Variants in USP10 observed in about 807,000 individuals in gnomAD.
The protein encoded by USP10 is ubiquitin specific peptidase 10, also known as ubiquitin carboxyl-terminal hydrolase 10.
USP10 carries 22 observed loss-of-function variants against 84.5 expected under a neutral mutation model. That is an observed-to-expected ratio of 0.26 (90% confidence interval 0.19 to 0.37). The LOEUF is 0.37. USP10 is among the 10% of genes least tolerant of loss of function. The pLI, the probability that USP10 is intolerant of heterozygous loss-of-function variation, is 1.00. For missense variants in USP10, 1,019 were observed against 998.9 expected (o/e 1.02, Z -0.27); for synonymous variants, 454 against 387.6 (o/e 1.17, Z -2.01).
intron 1 of USP10, among the ~76,000 whole-genome samples, chr16:84,731,712 T>C (rs758334091): frequency 2.8e-4 from 43 of 152,214 alleles, no homozygotes; most frequent in Non-Finnish European, 4.3e-4. Flanking sequence ...TGTTGAGTTT[T>C]TTAATTTAGT....
intron 1 of USP10, among the ~76,000 whole-genome samples, chr16:84,727,855 A>G (rs1187541221): frequency 5.3e-5 from 8 of 152,194 alleles, no homozygotes; most frequent in Admixed American, 3.3e-4. Context: ...CACTTTCACA[A>G]ATTTACATTG....
chr16:84,711,297 G>T (rs1171137063), intron 1 of USP10, among the ~76,000 whole-genome samples: 1 of 152,178 alleles, frequency 6.6e-6, no homozygotes, highest in East Asian at 1.9e-4. Context: ...CTTAAGAGCT[G>T]CTCTGGCTGT....
In USP10 at chr16:84,760,213, G is replaced by A. The variant is rs1177870636; in HGVS notation, c.1492G>A (p.Ala498Thr). ...CGTGAGGGATATTCGCCCTGGAGCTGCCTTTGAGCCCACATATATTTACAG... is the reference window on the plus strand; with the variant it reads ...CGTGAGGGATATTCGCCCTGGAGCTACCTTTGAGCCCACATATATTTACAG... ...KIVRDIRPGA[A>T]FEPTYIYRLL... The change falls in exon 8 of 14, where the codon GCC (alanine) becomes ACC (threonine). Residue 498 changes from alanine (A) to threonine (T), a missense_variant. Physicochemically the swap from Ala to Thr is moderately conservative, Grantham distance 58 (BLOSUM62 0). Around this residue, in one of 2 missense-constraint regions of USP10, gnomAD observed 787 missense variants for 708.8 expected, o/e 1.11. Coordinates refer to ENST00000219473, the MANE Select transcript of USP10 (RefSeq NM_005153.3). 1.1e-5 allele frequency: 17 copies of A among 1,611,094 alleles called. No individual in the cohort carries two copies. Among genetic ancestry groups the A allele is most frequent in the Non-Finnish European group, 1.4e-5 (16 of 1,178,556 alleles).
chr16:84,709,692 G>T (rs1356965175), intron 1 of USP10, among the ~76,000 whole-genome samples: 3 of 152,166 alleles, frequency 2.0e-5, no homozygotes, highest in Non-Finnish European at 4.4e-5. Context: ...AAAAAAGGAG[G>T]AGAGTGGGAC....
chr16:84,722,202 CTG>C (rs1253648897), intron 1 of USP10, among the ~76,000 whole-genome samples: 1 of 152,196 alleles, frequency 6.6e-6, no homozygotes, highest in East Asian at 1.9e-4. Flanking sequence ...ATTACACAAA[CTG>C]TACTCTTTTG....
intron 1 of USP10, among the ~76,000 whole-genome samples, chr16:84,723,386 A>G (rs1360992492): frequency 6.6e-6 from 1 of 152,142 alleles, no homozygotes; most frequent in African/African-American, 2.4e-5. Context: ...GATTGTATTT[A>G]TTTGAAGATT....
chr16:84,735,198 TGTGTGTGTG>T (rs1909751486), intron 2 of USP10, among the ~76,000 whole-genome samples: 2 of 28,226 alleles, frequency 7.1e-5, no homozygotes, highest in African/African-American at 2.7e-4. Context: ...GCCCGGGTGG[TGTGTGTGTG>T]TGTGTGTGTG....
intron 8 of USP10, among the ~76,000 whole-genome samples, chr16:84,762,703 AAG>A (rs1207543869): frequency 6.6e-6 from 1 of 152,086 alleles, no homozygotes; most frequent in African/African-American, 2.4e-5. Flanking sequence ...AAAAAAAAAA[AAG>A]TATATTTATT....
intron 2 of USP10, among the ~76,000 whole-genome samples, chr16:84,738,823 T>C (rs975974024): frequency 6.6e-6 from 1 of 152,108 alleles, no homozygotes; most frequent in Non-Finnish European, 1.5e-5. Context: ...TGTGCTGAGA[T>C]CTCATTGGAG....
At chr16:84,755,083 C>G (rs1266774276) in intron 4 of USP10, among the ~76,000 whole-genome samples, 1 of 151,500 alleles carries the variant, frequency 6.6e-6, no homozygotes, top group Admixed American at 6.6e-5. Flanking sequence ...GTGGAGTTAG[C>G]CTCGTCATAA....
At chr16:84,724,145 A>T (rs947701357) in intron 1 of USP10, among the ~76,000 whole-genome samples, 1 of 152,208 alleles carries the variant, frequency 6.6e-6, no homozygotes, top group Non-Finnish European at 1.5e-5. Context: ...TATCTATATT[A>T]CCTTGCTATT....
At chr16:84,712,004 G>A (rs535873153) in intron 1 of USP10, among the ~76,000 whole-genome samples, 1 of 152,286 alleles carries the variant, frequency 6.6e-6, no homozygotes, top group Non-Finnish European at 1.5e-5. Context: ...ACAGGCATGA[G>A]CCACCGCGCC....
Position 84,760,074 on chromosome 16 carries a change from A to G in USP10, c.1451-98A>G, listed in dbSNP as rs149390088. The G allele has an allele frequency of 1.3e-5, 19 of 1,511,028 alleles. No individual in the cohort carries two copies. The Admixed American group carries it at 2.3e-4, about 18-fold the overall frequency. The allele number at this position is 1,511,028 out of a possible 1,614,324, so 93.6% of individuals were successfully genotyped here. On this transcript the variant is annotated intron_variant, in intron 7 of 13. Coordinates refer to ENST00000219473, the MANE Select transcript of USP10 (RefSeq NM_005153.3). The stretch of plus-strand genomic sequence containing the variant: ...TACACCTATGCCATTCTCAACATTC[A>G]GCCAGGTGGGAGGTGGGGGAGTTTT...
chr16:84,724,232 G>A (rs1908170779), intron 1 of USP10, among the ~76,000 whole-genome samples: 2 of 152,144 alleles, frequency 1.3e-5, no homozygotes, highest in South Asian at 4.1e-4. Context: ...ACACAGGACT[G>A]GAAAGTTGGT....
At chr16:84,730,816 C>G (rs928087577) in intron 1 of USP10, among the ~76,000 whole-genome samples, 1 of 151,992 alleles carries the variant, frequency 6.6e-6, no homozygotes, top group Non-Finnish European at 1.5e-5. Context: ...TTTTATTTTC[C>G]ATTGTCTAGG....
intron 1 of USP10, among the ~76,000 whole-genome samples, chr16:84,725,353 T>C (rs1272622114): frequency 1.3e-5 from 2 of 152,230 alleles, no homozygotes; most frequent in Admixed American, 6.5e-5. Flanking sequence ...CATCCTGTTG[T>C]AGCATGCATT....
chr16:84,700,462 G>A (rs1292742374), intron 1 of USP10, among the ~76,000 whole-genome samples: 1 of 152,046 alleles, frequency 6.6e-6, no homozygotes, highest in East Asian at 1.9e-4. Context: ...CCGGCCGGGG[G>A]AGGCGGCCCG....
intron 10 of USP10, among the ~76,000 whole-genome samples, chr16:84,767,901 T>G (rs1914035967): frequency 6.6e-6 from 1 of 151,986 alleles, no homozygotes; most frequent in African/African-American, 2.4e-5. Flanking sequence ...AGGTCTCTGG[T>G]TTTCCTAGGC....
intron 10 of USP10, among the ~76,000 whole-genome samples, chr16:84,764,931 G>GA (rs543483741): frequency 0.21 from 8,210 of 39,252 alleles, 412 homozygotes; most frequent in African/African-American, 0.4. Flanking sequence ...GAGAGAGAGA[G>GA]AAAAAAAAAT....
Sources: gnomAD v4.1 joint callset for allele counts (sites outside exome capture counted in the v4.1 genomes callset) on GRCh38, gnomAD v4.1.1 for gene constraint, gnomAD v4.1.1 regional missense constraint, MANE v1.5 for transcripts, NCBI Gene and HGNC (gene_info 2026-07-23, HGNC 2026-07-21) for gene names.